The following JADE1 variants were observed in gnomAD, a reference collection of about 807,000 sequenced individuals.
The protein encoded by JADE1 is jade family PHD finger 1.
A neutral mutation model predicts 81.8 loss-of-function variants in JADE1; 14 were observed. That is an observed-to-expected ratio of 0.17 (90% CI 0.11 to 0.27). The LOEUF (loss-of-function observed/expected upper bound fraction) is 0.27, where lower values mean the gene tolerates loss of function less well. Among genes scored for constraint, JADE1 ranks in the 10% least tolerant of loss-of-function variants. The pLI is 1.00. For synonymous variants in JADE1, 353 were observed against 391.9 expected (o/e 0.90, Z 1.17); for missense variants, 690 against 1,047.9 (o/e 0.66, Z 4.71).
chr4:128,811,148 A>G (rs944757741), intron 1 of JADE1: 1 of 152,242 alleles, frequency 6.6e-6, no homozygotes, highest in Non-Finnish European at 1.5e-5. Flanking sequence ...CGGGAGAGGG[A>G]TGGAATGTGG....
At chr4:128,859,266 G>A (rs760479618) in intron 8 of JADE1, among the ~76,000 whole-genome samples, 1 of 151,938 alleles carries the variant, frequency 6.6e-6, no homozygotes, top group Admixed American at 6.6e-5. Flanking sequence ...ATGTGTGGGG[G>A]TGTGAGTGTG....
In JADE1 at chr4:128,872,200, C is replaced by T; in HGVS notation, c.2467C>T (p.His823Tyr). The change falls in exon 11 of 11, where the codon CAC becomes TAC. Residue 823 changes from histidine (H) to tyrosine (Y), a missense_variant. Physicochemically the swap from His to Tyr is moderately conservative, Grantham distance 83. This residue lies in a region of JADE1 where 218 missense variants were observed against 274.3 expected (regional missense o/e 0.79). Transcript: ENST00000226319. Reference protein sequence around the residue: ...ESEASEKKCIHTSSTISRRTD... With the variant: ...ESEASEKKCIYTSSTISRRTD... Reference sequence around the variant, plus strand: ...TGAGGCATCAGAAAAGAAATGTATACACACCAGCAGCACTATCAGCAGAAG... The same window carrying T: ...TGAGGCATCAGAAAAGAAATGTATATACACCAGCAGCACTATCAGCAGAAG... The T allele has an allele frequency of 1.2e-6, 2 of 1,614,172 alleles. No individual in the cohort carries two copies. The highest frequency in any genetic ancestry group is 1.7e-6 in the Non-Finnish European group (2 of 1,180,002).
intron 5 of JADE1, among the ~76,000 whole-genome samples, chr4:128,851,166 A>G (rs1000799077): frequency 6.6e-6 from 1 of 152,222 alleles, no homozygotes; most frequent in African/African-American, 2.4e-5. Context: ...CCTGACCTCA[A>G]ATGATCTACC....
At position 128,875,028 on chromosome 4, in the gene JADE1, G is replaced by A. The variant is rs1732468233; in HGVS notation, c.*2766G>A. 5.8e-5 allele frequency: 8 copies of A among 138,860 alleles called. No individual in the cohort carries two copies. The highest frequency in any genetic ancestry group is 5.6e-4 in the Admixed American group (8 of 14,260). 8.6% of individuals were successfully genotyped at this position (138,860 alleles called of 1,614,324 possible). The stretch of plus-strand genomic sequence containing the variant: ...TGAAAAAAAAAAAAAGGTGCATGAA[G>A]AGTTAAAAATCAAATTAAAGTATAT... On this transcript the variant is annotated 3_prime_UTR_variant, in exon 11 of 11. Coordinates refer to ENST00000226319, the MANE Select transcript of JADE1 (RefSeq NM_199320.4).
chr4:128,839,088 A>T (rs748968257), intron 2 of JADE1, among the ~76,000 whole-genome samples: 67 of 149,104 alleles, frequency 4.5e-4, no homozygotes, highest in Non-Finnish European at 5.7e-4. Flanking sequence ...AATGACATTT[A>T]AAAAAAAATT....
At chr4:128,844,110 TTTC>T (rs1322637180) in intron 3 of JADE1, among the ~76,000 whole-genome samples, 1 of 152,174 alleles carries the variant, frequency 6.6e-6, no homozygotes, top group East Asian at 1.9e-4. Context: ...CTGCTCTTTA[TTTC>T]TTAATTCCTT....
rs1732303801 is a variant in JADE1 at position 128,872,990 on chromosome 4, T to G, written c.*728T>G. 1 of 449,320 alleles carries G rather than the reference T, an allele frequency of 2.2e-6. No homozygotes were observed. Among genetic ancestry groups the G allele is most frequent in the Non-Finnish European group, 4.5e-6 (1 of 222,802 alleles). The allele number at this position is 449,320 out of a possible 1,614,324, so 27.8% of individuals were successfully genotyped here. A position where few individuals can be genotyped will look rare whatever the true frequency, so the allele number is the denominator to read the frequency against. On this transcript the variant is annotated 3_prime_UTR_variant, in exon 11 of 11. Transcript: ENST00000226319. ...GTGGAGAGTGAGACTGTTAGGAAAG[T>G]TGTATCTATGAATAAGGGCAGTTGA...
chr4:128,809,982 A>ACGG (rs778572627), intron 1 of JADE1, 105 bp downstream of exon 1: 54 of 159,482 alleles, frequency 3.4e-4, no homozygotes, highest in East Asian at 1.1e-3. Flanking sequence ...CGCGGCGGCG[A>ACGG]CGGCGGCGGC....
intron 8 of JADE1, among the ~76,000 whole-genome samples, chr4:128,860,235 G>A (rs1018290011): frequency 1.3e-5 from 2 of 152,066 alleles, no homozygotes; most frequent in African/African-American, 4.8e-5. Flanking sequence ...CACCAAAGCT[G>A]ATTTCATACA....
intron 1 of JADE1, among the ~76,000 whole-genome samples, chr4:128,811,054 C>T (rs1308135972): frequency 2.0e-5 from 3 of 152,186 alleles, no homozygotes; most frequent in Non-Finnish European, 4.4e-5. Flanking sequence ...GTGTCTTGTG[C>T]CTGTGAGTCT....
chr4:128,855,592 T>C, intron 6 of JADE1, 38 bp from the exon 7 acceptor site: 2 of 1,521,900 alleles, frequency 1.3e-6, no homozygotes, highest in Non-Finnish European at 1.8e-6. Flanking sequence ...CATTTTCTCT[T>C]TCTCTCTATT....
intron 8 of JADE1, 104 bp from the exon 9 acceptor site, chr4:128,861,600 G>C: frequency 7.9e-7 from 1 of 1,260,022 alleles, no homozygotes; most frequent in South Asian, 1.4e-5. Context: ...TTGAAGCATG[G>C]CTCTTCTCTG....
intron 1 of JADE1, among the ~76,000 whole-genome samples, chr4:128,827,218 G>A (rs1007010968): frequency 1.3e-5 from 2 of 152,158 alleles, no homozygotes; most frequent in African/African-American, 4.8e-5. Context: ...TCCCCCTTGA[G>A]TAAAATCTGC....
chr4:128,831,897 T>A, intron 2 of JADE1, 87 bp downstream of exon 2: 1 of 1,185,958 alleles, frequency 8.4e-7, no homozygotes, highest in Non-Finnish European at 1.3e-6. Flanking sequence ...TTTAAATTGC[T>A]GAGGCCCTTT....
intron 1 of JADE1, 42 bp from the exon 2 acceptor site, chr4:128,831,691 G>GTAT (rs912057483): frequency 1.4e-4 from 211 of 1,541,744 alleles, no homozygotes; most frequent in Non-Finnish European, 1.8e-4. Flanking sequence ...TGATGATTGT[G>GTAT]TATTATCATC....
rs117969369 is a variant in JADE1, at chr4:128,843,493, A to C, written c.138+455A>C. On this transcript the variant is annotated intron_variant, in intron 3 of 10. Transcript: ENST00000226319. ...CTCTGGGACTTTTGTTTAGGGGATTATGCTGAAGGCTTTCCCCATTCTTTC... is the reference window on the plus strand; with the variant it reads ...CTCTGGGACTTTTGTTTAGGGGATTCTGCTGAAGGCTTTCCCCATTCTTTC... Among the ~76,000 whole-genome samples, 62 of 152,206 alleles carry C rather than the reference A, an allele frequency of 4.1e-4. No homozygotes were observed. In the East Asian group the frequency reaches 0.011, roughly 28 times the overall value.
intron 1 of JADE1, among the ~76,000 whole-genome samples, chr4:128,818,983 C>G (rs938220123): frequency 6.6e-6 from 1 of 152,106 alleles, no homozygotes; most frequent in East Asian, 1.9e-4. Context: ...GCATCCCACA[C>G]CAGGCCTGGC....
intron 1 of JADE1, chr4:128,811,128 C>T (rs1249978713): frequency 1.3e-5 from 2 of 152,378 alleles, no homozygotes; most frequent in Non-Finnish European, 1.5e-5. Flanking sequence ...TCGGCATTGG[C>T]TTGCAAATGC....
chr4:128,818,940 C>G (rs1183581309), intron 1 of JADE1, among the ~76,000 whole-genome samples: 1 of 151,978 alleles, frequency 6.6e-6, no homozygotes, highest in Non-Finnish European at 1.5e-5. Flanking sequence ...CTTGATCCTC[C>G]CATCTCAGCC....
Sources: allele counts gnomAD v4.1 joint callset (sites outside exome capture counted in the v4.1 genomes callset), GRCh38; gene constraint gnomAD v4.1.1; regional missense constraint gnomAD v4.1.1; transcripts MANE v1.5; gene names NCBI Gene and HGNC (gene_info 2026-07-23, HGNC 2026-07-21).